ATP8A2: variants seen among roughly 807,000 people sequenced by gnomAD.
ATP8A2 encodes the protein ATPase phospholipid transporting 8A2.
ATP8A2 carries 100 observed loss-of-function variants against 165.6 expected under a neutral mutation model. The observed-to-expected ratio is 0.60, with a 90% CI of 0.51 to 0.71. The LOEUF is 0.71. Among genes scored for constraint, ATP8A2 ranks in the 30% least tolerant of loss-of-function variants. The probability of loss-of-function intolerance (pLI) is 0.00; values close to 1 mark genes in which losing one functional copy is unlikely to be tolerated. For missense variants in ATP8A2, 1,227 were observed against 1,479.5 expected (o/e 0.83, Z 2.80); for synonymous variants, 543 against 548.8 (o/e 0.99, Z 0.15).
chr13:25,627,214 G>T (rs1470538433), intron 24 of ATP8A2, among the ~76,000 whole-genome samples: 1 of 152,078 alleles, frequency 6.6e-6, no homozygotes, highest in Non-Finnish European at 1.5e-5. Context: ...GTGGTACAGT[G>T]GCAGAATACA....
intron 15 of ATP8A2, among the ~76,000 whole-genome samples, chr13:25,563,675 T>A (rs1984265): frequency 0.72 from 109,663 of 151,996 alleles, 40,783 homozygotes; most frequent in African/African-American, 0.78. Context: ...TGCCAGCCAT[T>A]GTCTTGATCC....
chr13:25,652,691 G>A (rs1414215915), intron 24 of ATP8A2, among the ~76,000 whole-genome samples: 1 of 152,146 alleles, frequency 6.6e-6, no homozygotes, highest in African/African-American at 2.4e-5. Flanking sequence ...TGAGAAATAC[G>A]TAATTTCCTT....
chr13:25,561,734 A>G (rs1487545652), intron 15 of ATP8A2, among the ~76,000 whole-genome samples: 5 of 152,156 alleles, frequency 3.3e-5, no homozygotes, highest in Admixed American at 6.5e-5. Flanking sequence ...CATTTCTAGA[A>G]CTTTTTCATC....
intron 24 of ATP8A2, among the ~76,000 whole-genome samples, chr13:25,686,663 C>G (rs2042607421): frequency 6.6e-6 from 1 of 152,082 alleles, no homozygotes; most frequent in African/African-American, 2.4e-5. Context: ...ATGTGATGAA[C>G]AGTTAACCTC....
chr13:25,588,278 G>A (rs1260891376), intron 23 of ATP8A2, among the ~76,000 whole-genome samples: 2 of 152,078 alleles, frequency 1.3e-5, no homozygotes, highest in Non-Finnish European at 2.9e-5. Context: ...TTTTTTTACT[G>A]TTTCCTTCAA....
intron 33 of ATP8A2, among the ~76,000 whole-genome samples, chr13:25,912,621 C>T (rs189373158): frequency 2.0e-5 from 3 of 152,188 alleles, no homozygotes; most frequent in Admixed American, 6.5e-5. Context: ...ACATTGTATT[C>T]GTGAATCATG....
chr13:25,950,288 G>A (rs1246661369), intron 33 of ATP8A2, among the ~76,000 whole-genome samples: 1 of 152,210 alleles, frequency 6.6e-6, no homozygotes, highest in Non-Finnish European at 1.5e-5. Flanking sequence ...GGAAGATACA[G>A]CAGAGTAGGA....
intron 17 of ATP8A2, 105 bp downstream of exon 17, chr13:25,570,977 C>A: frequency 1.3e-6 from 1 of 798,688 alleles, no homozygotes; most frequent in Non-Finnish European, 2.0e-6. Context: ...ACAGACTCGG[C>A]TGTCTGCTGT....
intron 24 of ATP8A2, among the ~76,000 whole-genome samples, chr13:25,620,979 GA>G (rs2040953400): frequency 6.6e-6 from 1 of 152,186 alleles, no homozygotes; most frequent in Non-Finnish European, 1.5e-5. Context: ...AAGTTCTTTT[GA>G]GAGAAGTGGA....
chr13:25,615,956 T>C (rs1305744886), intron 24 of ATP8A2, among the ~76,000 whole-genome samples: 1 of 152,154 alleles, frequency 6.6e-6, no homozygotes, highest in Non-Finnish European at 1.5e-5. Flanking sequence ...CTCTCGACTC[T>C]CCTGGTATGT....
intron 1 of ATP8A2, among the ~76,000 whole-genome samples, chr13:25,441,591 C>G (rs151277321): frequency 6.6e-6 from 1 of 152,266 alleles, no homozygotes; most frequent in Non-Finnish European, 1.5e-5. Context: ...AATCTAGATA[C>G]AAATTATGAT....
chr13:25,404,125 G>A (rs184999419), intron 1 of ATP8A2, among the ~76,000 whole-genome samples: 51 of 152,324 alleles, frequency 3.3e-4, no homozygotes, highest in African/African-American at 1.2e-3. Flanking sequence ...TGCTTCAGCA[G>A]GGAAAGTAGA....
At chr13:26,019,322 T>A (rs1246479662) in intron 36 of ATP8A2, among the ~76,000 whole-genome samples, 2 of 152,170 alleles carry the variant, frequency 1.3e-5, no homozygotes, top group East Asian at 3.9e-4. Context: ...GCTTGAACCC[T>A]GGAGGCAGAA....
chr13:25,835,241 C>G (rs1364533931), intron 28 of ATP8A2, among the ~76,000 whole-genome samples: 1 of 152,162 alleles, frequency 6.6e-6, no homozygotes, highest in Non-Finnish European at 1.5e-5. Context: ...GGTAGAAGCT[C>G]TGTCCAGCTA....
At chr13:25,480,980 C>G (rs1001455161) in intron 2 of ATP8A2, among the ~76,000 whole-genome samples, 2 of 152,132 alleles carry the variant, frequency 1.3e-5, no homozygotes, top group Non-Finnish European at 2.9e-5. Flanking sequence ...ACAGCGAAAC[C>G]CCGTCTCCAC....
At chr13:25,878,029 G>C (rs1385931490) in intron 33 of ATP8A2, among the ~76,000 whole-genome samples, 1 of 152,184 alleles carries the variant, frequency 6.6e-6, no homozygotes, top group Non-Finnish European at 1.5e-5. Context: ...AATGTTATCA[G>C]TTTAACCCCT....
chr13:25,848,420 A>T (rs1337144669), intron 30 of ATP8A2, among the ~76,000 whole-genome samples: 1 of 152,200 alleles, frequency 6.6e-6, no homozygotes, highest in Non-Finnish European at 1.5e-5. Flanking sequence ...CTAGCACGGC[A>T]TGGGGTGCTG....
intron 33 of ATP8A2, among the ~76,000 whole-genome samples, chr13:25,920,944 C>T (rs539708108): frequency 2.0e-5 from 3 of 152,138 alleles, no homozygotes; most frequent in East Asian, 1.9e-4. Context: ...GTGGTGCTCG[C>T]CTATAGTTCT....
At chr13:25,505,195 G>C (rs1593417924) in intron 2 of ATP8A2, among the ~76,000 whole-genome samples, 2 of 137,338 alleles carry the variant, frequency 1.5e-5, no homozygotes, top group African/African-American at 5.7e-5. Flanking sequence ...TTGTTTTTTC[G>C]GCGGGGCGGG....
Sources: gnomAD v4.1 joint callset for allele counts (sites outside exome capture counted in the v4.1 genomes callset) on GRCh38, gnomAD v4.1.1 for gene constraint, MANE v1.5 for transcripts, NCBI Gene and HGNC (gene_info 2026-07-23, HGNC 2026-07-21) for gene names.